Variants in SURF6 observed in about 807,000 individuals in gnomAD.
SURF6 encodes the protein surfeit 6.
A neutral mutation model predicts 37.5 loss-of-function variants in SURF6; 28 were observed. The observed-to-expected ratio is 0.75, with a 90% CI of 0.55 to 1.02. The LOEUF (loss-of-function observed/expected upper bound fraction) is 1.02. Ranked by LOEUF, SURF6 falls within the 50% of genes least tolerant of loss-of-function variation. SURF6 has a pLI of 0.00. For missense variants in SURF6, 560 were observed against 490.5 expected, an observed-to-expected ratio of 1.14 and a Z score of -1.34; for synonymous variants, 248 against 210.9, an observed-to-expected ratio of 1.18 and a Z score of -1.52.
At chr9:133,332,850 G>A (rs952020685) in intron 3 of SURF6, 90 bp from the exon 4 acceptor site, 38 of 1,324,004 alleles carry the variant, frequency 2.9e-5, no homozygotes, top group Admixed American at 4.0e-5. Context: ...AGGGCTGGAA[G>A]GCAGGTGAGA....
rs912399491 is a variant in SURF6, at chr9:133,332,215, T to C, written c.740A>G (p.Gln247Arg). 6 of 1,607,490 alleles carry C rather than the reference T, an allele frequency of 3.7e-6. No homozygotes were observed. The African/African-American group carries it at 6.7e-5, about 18-fold the overall frequency. ...RQLLERLQAR[Q>R]SRLDELRGQD... ...GCCGCGCAGCTCGTCCAGCCGGCTC[T>C]GCCGTGCCTGCAGGCGCTCCAGCAG... The change falls in exon 5 of 5, where the codon CAG becomes CGG. Residue 247 changes from glutamine (Q) to arginine (R), a missense_variant. Physicochemically the swap from Gln to Arg is conservative, Grantham distance 43. Transcript: ENST00000372022.
chr9:133,334,790 G>A (rs1056171223), intron 1 of SURF6, among the ~76,000 whole-genome samples, 189 bp from the exon 2 acceptor site: 8 of 151,858 alleles, frequency 5.3e-5, no homozygotes, highest in Non-Finnish European at 1.2e-4. Context: ...AATTCATCAG[G>A]CACAAAGATG....
In SURF6 at chr9:133,334,491, A is replaced by C. The variant is rs1385298872; in HGVS notation, c.205T>G (p.Ser69Ala). 1.9e-6 allele frequency: 3 copies of C among 1,613,928 alleles called. No individual in the cohort carries two copies. Among genetic ancestry groups the C allele is most frequent in the Non-Finnish European group, 2.5e-6 (3 of 1,180,036 alleles). The change falls in exon 2 of 5, where the codon TCC becomes GCC. Residue 69 changes from serine (S) to alanine (A), a missense_variant. By Grantham distance (99) the Ser-to-Ala change is moderately conservative. Coordinates refer to ENST00000372022, the MANE Select transcript of SURF6 (RefSeq NM_006753.6). ...GCTGCTGGAGATTTCTCCCCCAAGG[A>C]CTTGGCCTTGTGCTCAGCAGCCTTC... The part of the protein sequence containing the change: ...EEKAAEHKAK[S>A]LGEKSPAASG...
In SURF6 at chr9:133,329,910, G is replaced by C. The variant is rs2129904337; in HGVS notation, c.*1959C>G. The stretch of plus-strand genomic sequence containing the variant: ...TCACGAATGAAGTGTTCTCTCAATT[G>C]ATTCTGTTAGAATTTGTCTACGTCT... On this transcript the variant is annotated 3_prime_UTR_variant, in exon 5 of 5. Coordinates refer to ENST00000372022, the MANE Select transcript of SURF6 (RefSeq NM_006753.6). The C allele has an allele frequency of 2.0e-5, 3 of 152,176 alleles. No homozygotes were observed. Among genetic ancestry groups the C allele is most frequent in the Non-Finnish European group, 4.4e-5 (3 of 68,030 alleles). The allele number at this position is 152,176 out of a possible 1,614,324, so 9.4% of individuals were successfully genotyped here.
In SURF6 at chr9:133,332,397, C is replaced by A. The variant is rs2129918190; in HGVS notation, c.607-49G>T. On this transcript the variant is annotated intron_variant, in intron 4 of 4. Coordinates refer to ENST00000372022, the MANE Select transcript of SURF6 (RefSeq NM_006753.6). Reference sequence around the variant, plus strand: ...CTCATGCCAGCCCTGCACTAGGCCCCAGCCTTGGCCAGTACCCTAAGGGAC... The same window carrying A: ...CTCATGCCAGCCCTGCACTAGGCCCAAGCCTTGGCCAGTACCCTAAGGGAC... 16 of 1,536,258 alleles carry A rather than the reference C, an allele frequency of 1.0e-5. No individual in the cohort carries two copies. The African/African-American group carries it at 1.8e-4, about 17-fold the overall frequency.
chr9:133,334,514 T>C lies in SURF6; in HGVS notation c.182A>G (p.Lys61Arg). 3 of 1,614,136 alleles carry C rather than the reference T, an allele frequency of 1.9e-6. No individual in the cohort carries two copies. The highest frequency in any genetic ancestry group is 2.2e-5 in the South Asian group (2 of 91,090). ...GGACTTGGCCTTGTGCTCAGCAGCCTTCTCTTCTCGCTTCCGGAATTTCTT... is the reference window on the plus strand; with the variant it reads ...GGACTTGGCCTTGTGCTCAGCAGCCCTCTCTTCTCGCTTCCGGAATTTCTT... ...TQKKFRKREE[K>R]AAEHKAKSLG... is the part of the protein sequence containing the mutation. Residue 61 changes from lysine to arginine, a missense_variant, in exon 2 of 5, where the codon AAG becomes AGG. Lys to Arg is a conservative substitution (Grantham distance 26). Transcript: ENST00000372022.
intron 2 of SURF6, 38 bp downstream of exon 2, chr9:133,334,354 C>G (rs2129926679): frequency 6.4e-7 from 1 of 1,557,380 alleles, no homozygotes; most frequent in African/African-American, 1.4e-5. Flanking sequence ...GCCCCAGCCC[C>G]GCCCTGCACA....
chr9:133,334,733 C>T (rs1835831826), intron 1 of SURF6, 132 bp from the exon 2 acceptor site: 1 of 1,068,776 alleles, frequency 9.4e-7, no homozygotes, highest in Non-Finnish European at 1.3e-6. Flanking sequence ...AGACACTGAT[C>T]CTAGAGCTCA....
rs2129925040 is a variant in SURF6, at chr9:133,333,819, A to G, written c.305-13T>C. On this transcript the variant is annotated splice_polypyrimidine_tract_variant and intron_variant, in intron 2 of 4. Transcript: ENST00000372022. ...GTGGCCAGGCCATCTGCAGGGAAGG[A>G]GACAGGACTGCAGGGGGCCCTCTCT... The G allele has an allele frequency of 2.5e-6, 4 of 1,610,048 alleles. No individual in the cohort carries two copies. In the South Asian group the frequency reaches 3.3e-5, roughly 13 times the overall value.
At position 133,334,426 on chromosome 9, in the gene SURF6, T is replaced by C. The variant is rs2129927173; in HGVS notation, c.270A>G (p.Ala90=). Residue 90 remains alanine (A), a synonymous_variant, in exon 2 of 5, where the codon GCA becomes GCG. Transcript: ENST00000372022. ...ARRPEAAKEE[A]AWASSSAGNP... is the part of the protein sequence containing the mutation. ...TCCCTGCTGAGCTGGAAGCCCAAGC[T>C]GCTTCCTCTTTGGCTGCCTCAGGCC... 4.3e-6 allele frequency: 7 copies of C among 1,613,884 alleles called. No individual in the cohort carries two copies. Among genetic ancestry groups the C allele is most frequent in the Non-Finnish European group, 5.9e-6 (7 of 1,180,014 alleles).
Position 133,329,468 on chromosome 9 carries a change from C to A in SURF6, c.*2401G>T, listed in dbSNP as rs1835666554. ...CTTGATACTTTTTGCTACTGCTAGA[C>A]CATGGTCCACCTGGCAACGGGCGTC... On this transcript the variant is annotated 3_prime_UTR_variant, in exon 5 of 5. Coordinates refer to ENST00000372022, the MANE Select transcript of SURF6 (RefSeq NM_006753.6). 2 of 264,320 alleles carry A rather than the reference C, an allele frequency of 7.6e-6. No individual in the cohort carries two copies. Among genetic ancestry groups the A allele is most frequent in the Non-Finnish European group, 1.5e-5 (2 of 130,288 alleles). The allele number at this position is 264,320 out of a possible 1,614,324, so 16.4% of individuals were successfully genotyped here.
At position 133,332,541 on chromosome 9, in the gene SURF6, C is replaced by T. The variant is rs181335197; in HGVS notation, c.606+7G>A. The T allele has an allele frequency of 3.4e-4, 543 of 1,606,704 alleles. 1 individual carries two copies. The Middle Eastern group carries it at 9.8e-3, about 29-fold the overall frequency. On this transcript the variant is annotated splice_region_variant and intron_variant, in intron 4 of 4. Coordinates refer to ENST00000372022, the MANE Select transcript of SURF6 (RefSeq NM_006753.6). ...CCAGCCCGCCCAAGGACCCAGCTCC[C>T]GCTCACCTTATTGAAGATCAGCCCG...
At chr9:133,332,496 C>A in intron 4 of SURF6, 52 bp downstream of exon 4, 1 of 1,585,290 alleles carries the variant, frequency 6.3e-7, no homozygotes, top group Non-Finnish European at 8.6e-7. Context: ...CAAGGGGCAA[C>A]GCTGAGGCCT....
At position 133,332,731 on chromosome 9, in the gene SURF6, G is replaced by A. The variant is rs2129921002; in HGVS notation, c.423C>T (p.Ala141=). Residue 141 remains alanine (A), a synonymous_variant, in exon 4 of 5, where the codon GCC becomes GCT. Transcript: ENST00000372022. ...QGSAKELSPA[A]LEKRRRRKQE... ...GCTTTCTCCGCCGCCTTTTCTCCAA[G>A]GCGGCAGGGGACAGCTCCTTGGCAC... 3.1e-6 allele frequency: 5 copies of A among 1,611,476 alleles called. No homozygotes were observed. In the South Asian group the frequency reaches 3.3e-5, roughly 11 times the overall value.
At chr9:133,334,668 C>A in intron 1 of SURF6, 67 bp from the exon 2 acceptor site, 1 of 1,559,618 alleles carries the variant, frequency 6.4e-7, no homozygotes, top group South Asian at 1.2e-5. Flanking sequence ...AGGAAAGGCT[C>A]ACCAAGGCTT....
chr9:133,335,708 G>GC (rs973107505), intron 1 of SURF6, among the ~76,000 whole-genome samples: 4 of 106,682 alleles, frequency 3.7e-5, no homozygotes, highest in African/African-American at 1.4e-4. Context: ...TACTAAAAAT[G>GC]CAAAAAAAAA....
chr9:133,334,458 C>A lies in SURF6; in HGVS notation c.238G>T (p.Ala80Ser). The part of the protein sequence containing the change: ...LGEKSPAASG[A>S]RRPEAAKEEA... ...TCTTTGGCTGCCTCAGGCCTCCTGG[C>A]CCCAGAGGCTGCTGGAGATTTCTCC... is the stretch of plus-strand genomic sequence containing the variant. Residue 80 changes from alanine (A) to serine (S), a missense_variant, in exon 2 of 5, where the codon GCC becomes TCC. By Grantham distance (99) the Ala-to-Ser change is moderately conservative. Coordinates refer to ENST00000372022, the MANE Select transcript of SURF6 (RefSeq NM_006753.6). 3.7e-6 allele frequency: 6 copies of A among 1,614,084 alleles called. No individual in the cohort carries two copies. The highest frequency in any genetic ancestry group is 5.1e-6 in the Non-Finnish European group (6 of 1,180,044).
chr9:133,332,154 C>T lies in SURF6; in HGVS notation c.801G>A (p.Lys267=), dbSNP rs141378540. 3.5e-5 allele frequency: 56 copies of T among 1,610,830 alleles called. No individual in the cohort carries two copies. Among genetic ancestry groups the T allele is most frequent in the Admixed American group, 8.3e-5 (5 of 60,008 alleles). ...TGTAGAGGAGGTTGGTCCACTTCAT[C>T]TTCGCCTCCAGCTCCTGCGCCTTCC... ...DEGKAQELEA[K]MKWTNLLYKA... Residue 267 remains lysine, a synonymous_variant, in exon 5 of 5, where the codon AAG becomes AAA. Transcript: ENST00000372022.
At position 133,331,857 on chromosome 9, in the gene SURF6, G is replaced by A. The variant is rs781862223; in HGVS notation, c.*12C>T. On this transcript the variant is annotated 3_prime_UTR_variant, in exon 5 of 5. Transcript: ENST00000372022. Reference sequence around the variant, plus strand: ...CCTAGGACGGAAGACGGCGGCCCCAGGTGGGAAAGACTCAGACCAGGCCTG... The same window carrying A: ...CCTAGGACGGAAGACGGCGGCCCCAAGTGGGAAAGACTCAGACCAGGCCTG... 1.3e-5 allele frequency: 20 copies of A among 1,497,530 alleles called. No homozygotes were observed. Among genetic ancestry groups the A allele is most frequent in the Non-Finnish European group, 1.8e-5 (20 of 1,133,778 alleles). The allele number at this position is 1,497,530 out of a possible 1,614,324, so 92.8% of individuals were successfully genotyped here. A position where few individuals can be genotyped will look rare whatever the true frequency, so the allele number is the denominator to read the frequency against.
Sources: allele counts gnomAD v4.1 joint callset (sites outside exome capture counted in the v4.1 genomes callset), GRCh38; gene constraint gnomAD v4.1.1; transcripts MANE v1.5; gene names NCBI Gene and HGNC (gene_info 2026-07-23, HGNC 2026-07-21).